The following SLC44A5 variants were observed in gnomAD, a reference collection of about 807,000 sequenced individuals.
The protein encoded by SLC44A5 is choline transporter-like protein 5.
A neutral mutation model predicts 101.8 loss-of-function variants in SLC44A5; 57 were observed. The ratio of observed to expected loss-of-function variants is 0.56; its 90% CI spans 0.45 to 0.70. The LOEUF (loss-of-function observed/expected upper bound fraction) is 0.70, where lower values mean the gene tolerates loss of function less well. Among genes scored for constraint, SLC44A5 ranks in the 30% least tolerant of loss-of-function variants. The pLI is 0.00. For missense variants in SLC44A5, 737 were observed against 853.1 expected (o/e 0.86, Z 1.70); for synonymous variants, 281 against 290.9 (o/e 0.97, Z 0.35).
At chr1:75,590,070 C>T (rs1001544424) in intron 1 of SLC44A5, among the ~76,000 whole-genome samples, 7 of 152,110 alleles carry the variant, frequency 4.6e-5, no homozygotes, top group South Asian at 2.1e-4. Context: ...GGGCACACGA[C>T]GTACTGAGAC....
At chr1:75,680,176 C>A in the SLC44A5 span, among the ~76,000 whole-genome samples, 2 of 152,068 alleles carry the variant, frequency 1.3e-5, no homozygotes, top group Admixed American at 6.6e-5. Context: ...GGCTTTAACA[C>A]CCCACTGTCA....
intron 2 of SLC44A5, among the ~76,000 whole-genome samples, chr1:75,481,527 G>C (rs1032760027): frequency 6.7e-6 from 1 of 149,326 alleles, no homozygotes; most frequent in Non-Finnish European, 1.5e-5. Context: ...CTAATATCCA[G>C]AATCTACAAT....
chr1:75,254,910 CA>C (rs552743714), intron 6 of SLC44A5, among the ~76,000 whole-genome samples: 3 of 150,660 alleles, frequency 2.0e-5, no homozygotes, highest in Non-Finnish European at 3.0e-5. Flanking sequence ...ACTAAAATTG[CA>C]AAAAAAAATC....
chr1:75,700,213 GCACCA>G, the SLC44A5 span, among the ~76,000 whole-genome samples: 9 of 152,264 alleles, frequency 5.9e-5, no homozygotes, highest in South Asian at 2.1e-4. Context: ...ATTCTTTTCA[GCACCA>G]CACCACACCT....
At chr1:75,565,028 T>G (rs926756888) in intron 1 of SLC44A5, among the ~76,000 whole-genome samples, 2 of 152,204 alleles carry the variant, frequency 1.3e-5, no homozygotes, top group Non-Finnish European at 2.9e-5. Flanking sequence ...GCAAATGACC[T>G]AGAACCATTA....
chr1:75,422,282 G>A (rs1276272221), intron 2 of SLC44A5, among the ~76,000 whole-genome samples: 1 of 152,158 alleles, frequency 6.6e-6, no homozygotes, highest in Non-Finnish European at 1.5e-5. Flanking sequence ...GGCTAGTTAT[G>A]GACACATCTG....
rs116300684 is a variant in SLC44A5, at chr1:75,331,236, G to A, written c.101+8346C>T. Among the ~76,000 whole-genome samples the A allele has an allele frequency of 8.0e-4, 122 of 152,154 alleles. 1 individual carries two copies. Among genetic ancestry groups the A allele is most frequent in the African/African-American group, 2.6e-3 (110 of 41,522 alleles). ...ATTCTTCACTGAGCTCCAGACTCAC[G>A]CATGGCATTCACAGGCTGATATCTA... is the stretch of plus-strand genomic sequence containing the variant. On this transcript the variant is annotated intron_variant, in intron 4 of 23. Transcript: ENST00000370859.
intron 2 of SLC44A5, among the ~76,000 whole-genome samples, chr1:75,525,196 C>G (rs541228566): frequency 4.7e-4 from 72 of 152,156 alleles, no homozygotes; most frequent in Non-Finnish European, 8.4e-4. Flanking sequence ...TATTAACCAA[C>G]AAGTTAGTTG....
At chr1:75,525,211 T>C (rs1473461906) in intron 2 of SLC44A5, among the ~76,000 whole-genome samples, 1 of 152,164 alleles carries the variant, frequency 6.6e-6, no homozygotes, top group Non-Finnish European at 1.5e-5. Flanking sequence ...TAGTTGCTAA[T>C]TGTAAAGTGA....
intron 1 of SLC44A5, among the ~76,000 whole-genome samples, chr1:75,567,867 G>A (rs1023206023): frequency 1.3e-5 from 2 of 152,188 alleles, no homozygotes; most frequent in African/African-American, 4.8e-5. Flanking sequence ...TTCAAGGAAG[G>A]AGAAAAATAG....
At chr1:75,204,008 C>T (rs758840461) in intron 23 of SLC44A5, among the ~76,000 whole-genome samples, 175 bp from the exon 24 acceptor site, 9 of 151,824 alleles carry the variant, frequency 5.9e-5, no homozygotes, top group South Asian at 2.1e-4. Flanking sequence ...CATAGTTATG[C>T]GAAAACAATA....
chr1:75,208,488 A>T lies in SLC44A5; in HGVS notation c.2047+2980T>A, dbSNP rs77573209. 5.8e-3 allele frequency among the ~76,000 whole-genome samples: 881 copies of T among 152,328 alleles called. 6 individuals carry two copies. Among genetic ancestry groups the T allele is most frequent in the Non-Finnish European group, 7.2e-3 (488 of 68,016 alleles). On this transcript the variant is annotated intron_variant, in intron 23 of 23. Transcript: ENST00000370859. ...AAATTTTTTATACGTGAAATTGTGA[A>T]GAAGAAAAAAGAATTTTAAGCTAGT...
intron 4 of SLC44A5, among the ~76,000 whole-genome samples, chr1:75,302,103 A>AGTTTTTTT (rs1430329918): frequency 4.1e-5 from 3 of 73,410 alleles, no homozygotes; most frequent in African/African-American, 6.6e-5. Flanking sequence ...CAGGTGCTCT[A>AGTTTTTTT]GTTTTTTTGT....
chr1:75,550,543 T>G (rs1671883199), intron 1 of SLC44A5, among the ~76,000 whole-genome samples: 1 of 151,954 alleles, frequency 6.6e-6, no homozygotes. Context: ...ACATGATAAA[T>G]TTTACATTAT....
At chr1:75,420,263 TTTG>T (rs1202206163) in intron 2 of SLC44A5, among the ~76,000 whole-genome samples, 2 of 152,100 alleles carry the variant, frequency 1.3e-5, no homozygotes, top group Admixed American at 6.6e-5. Context: ...TCTATGGTAG[TTTG>T]TTAACAGCAG....
intron 12 of SLC44A5, among the ~76,000 whole-genome samples, chr1:75,232,357 T>C (rs1330598924): frequency 6.6e-6 from 1 of 152,116 alleles, no homozygotes; most frequent in African/African-American, 2.4e-5. Context: ...GCAAGAGTGA[T>C]TGAATCACAA....
At chr1:75,718,166 A>G in the SLC44A5 span, among the ~76,000 whole-genome samples, 1 of 152,240 alleles carries the variant, frequency 6.6e-6, no homozygotes, top group Admixed American at 6.5e-5. Context: ...ATCTGACCAG[A>G]GCATGTTTCT....
the SLC44A5 span, among the ~76,000 whole-genome samples, chr1:75,717,857 T>C: frequency 6.6e-6 from 1 of 152,210 alleles, no homozygotes; most frequent in Admixed American, 6.5e-5. Flanking sequence ...CAATTTTCTG[T>C]ATTTGCCCGA....
At chr1:75,638,675 A>G in the SLC44A5 span, among the ~76,000 whole-genome samples, 3 of 152,088 alleles carry the variant, frequency 2.0e-5, no homozygotes. Flanking sequence ...CTCCAAGGAA[A>G]ACGGTCCTTC....
Sources: gnomAD v4.1 joint callset for allele counts (sites outside exome capture counted in the v4.1 genomes callset) on GRCh38, gnomAD v4.1.1 for gene constraint, MANE v1.5 for transcripts, NCBI Gene and HGNC (gene_info 2026-07-23, HGNC 2026-07-21) for gene names.